CFAP119: variants seen among roughly 807,000 people sequenced by gnomAD.
The protein encoded by CFAP119 is cilia and flagella associated protein 119.
At chr16:30,758,961 T>C in the CFAP119 span, 5 of 1,610,190 alleles carry the variant, frequency 3.1e-6, no homozygotes, top group Non-Finnish European at 4.2e-6. Context: ...AAACCCTTCA[T>C]TCTACACCTG....
At chr16:30,757,804 C>G in the CFAP119 span, 1 of 1,419,800 alleles carries the variant, frequency 7.0e-7, no homozygotes, top group African/African-American at 1.4e-5. Flanking sequence ...TGTTAGCAAG[C>G]CCTTGTGTGA....
the CFAP119 span, chr16:30,760,947 C>T: frequency 1.6e-6 from 1 of 611,540 alleles, no homozygotes; most frequent in Non-Finnish European, 2.9e-6. Context: ...CCCTCAGTGT[C>T]CCCCTCTGTA....
chr16:30,759,949 TA>T, the CFAP119 span: 1 of 1,444,340 alleles, frequency 6.9e-7, no homozygotes, highest in Non-Finnish European at 9.1e-7. Flanking sequence ...TTACGAAGCT[TA>T]TATTCTAGGG....
At chr16:30,761,511 T>C in the CFAP119 span, 2 of 1,535,040 alleles carry the variant, frequency 1.3e-6, no homozygotes, top group Non-Finnish European at 1.7e-6. Context: ...GGTTTATAAA[T>C]ATTCACGAGC....
At chr16:30,760,737 C>G in the CFAP119 span, 3 of 1,425,724 alleles carry the variant, frequency 2.1e-6, no homozygotes, top group Middle Eastern at 5.2e-4. Flanking sequence ...ACAGCTAGTG[C>G]GTGAGACTGG....
the CFAP119 span, chr16:30,760,790 CTG>C: frequency 1.2e-6 from 1 of 839,402 alleles, no homozygotes; most frequent in Non-Finnish European, 2.0e-6. Context: ...TGCCAGCTTG[CTG>C]TGTGACTATG....
chr16:30,759,009 C>T, the CFAP119 span: 1 of 1,614,216 alleles, frequency 6.2e-7, no homozygotes, highest in South Asian at 1.1e-5. Flanking sequence ...TCCAGATCCT[C>T]ACTTGGCTCT....
At chr16:30,761,778 C>G in the CFAP119 span, 4 of 1,498,170 alleles carry the variant, frequency 2.7e-6, no homozygotes, top group Non-Finnish European at 3.6e-6. Context: ...GCGAGGCGCC[C>G]CGGGCTCCCG....
the CFAP119 span, chr16:30,761,823 G>A: frequency 2.2e-6 from 3 of 1,379,378 alleles, no homozygotes; most frequent in African/African-American, 4.3e-5. Context: ...CGCTCGGTCG[G>A]CGGCTACCAA....
chr16:30,758,613 T>C, the CFAP119 span: 2 of 244,906 alleles, frequency 8.2e-6, no homozygotes, highest in Non-Finnish European at 1.6e-5. Context: ...TGGAGTGCAG[T>C]GGCCAGATCT....
chr16:30,757,449 G>A, the CFAP119 span: 8 of 1,603,452 alleles, frequency 5.0e-6, no homozygotes, highest in African/African-American at 1.3e-5. Flanking sequence ...TTCTGGCCCA[G>A]ACCTTTATTG....
At chr16:30,760,683 GA>G in the CFAP119 span, 1 of 1,549,636 alleles carries the variant, frequency 6.5e-7, no homozygotes, top group African/African-American at 1.4e-5. Flanking sequence ...TATAGTAAAA[GA>G]AAAAGAGTAT....
chr16:30,759,725 C>G, the CFAP119 span: 1 of 1,605,976 alleles, frequency 6.2e-7, no homozygotes. Context: ...AAGGGGGTTG[C>G]TGGTAGGGAA....
chr16:30,757,513 T>C, the CFAP119 span: 3 of 1,614,166 alleles, frequency 1.9e-6, no homozygotes, highest in East Asian at 6.7e-5. Flanking sequence ...CGGAGGTAGC[T>C]GGAAGGGCCG....
chr16:30,759,180 G>A, the CFAP119 span: 21 of 1,614,124 alleles, frequency 1.3e-5, no homozygotes, highest in East Asian at 8.9e-5. Flanking sequence ...TCCCTTACCC[G>A]TCTCACTCTC....
At chr16:30,759,716 AG>A in the CFAP119 span, 1 of 1,609,750 alleles carries the variant, frequency 6.2e-7, no homozygotes, top group South Asian at 1.1e-5. Flanking sequence ...ACGTTGCCCA[AG>A]GGGGTTGCTG....
chr16:30,757,563 G>T, the CFAP119 span: 3 of 1,614,228 alleles, frequency 1.9e-6, no homozygotes, highest in Non-Finnish European at 2.5e-6. Flanking sequence ...TTTCCTCGCT[G>T]GCCTTGAGCC....
the CFAP119 span, chr16:30,758,899 T>C: frequency 6.6e-7 from 1 of 1,510,130 alleles, no homozygotes; most frequent in African/African-American, 1.4e-5. Flanking sequence ...AGGGATCATT[T>C]AGAGAAAGGA....
chr16:30,760,672 T>C, the CFAP119 span: 1 of 1,526,890 alleles, frequency 6.5e-7, no homozygotes, highest in Non-Finnish European at 8.7e-7. Flanking sequence ...GTACTTCCTG[T>C]TATAGTAAAA....
Sources: allele counts gnomAD v4.1 joint callset, GRCh38; gene constraint gnomAD v4.1.1; transcripts MANE v1.5; gene names NCBI Gene and HGNC (gene_info 2026-07-23, HGNC 2026-07-21).